GRIP1: variants seen among roughly 807,000 people sequenced by gnomAD.
GRIP1 encodes glutamate receptor interacting protein 1.
In GRIP1, 45 loss-of-function variants were observed where a neutral mutation model predicts 129.9. The ratio of observed to expected loss-of-function variants is 0.35; its 90% CI spans 0.27 to 0.44. The LOEUF is 0.44. Among genes scored for constraint, GRIP1 ranks in the 20% least tolerant of loss-of-function variants. The pLI is 1.00. For missense variants in GRIP1, 1,196 were observed against 1,396.8 expected, an observed-to-expected ratio of 0.86 and a Z score of 2.29; for synonymous variants, 530 against 520.8, an observed-to-expected ratio of 1.02 and a Z score of -0.24.
intron 1 of GRIP1, among the ~76,000 whole-genome samples, chr12:66,942,913 A>G (rs1280125032): frequency 2.0e-5 from 3 of 152,118 alleles, no homozygotes; most frequent in African/African-American, 7.2e-5. Flanking sequence ...AGGATAGGAG[A>G]AGATGGCCAT....
chr12:66,767,490 A>C (rs898301059), intron 1 of GRIP1, among the ~76,000 whole-genome samples: 31 of 152,090 alleles, frequency 2.0e-4, no homozygotes, highest in African/African-American at 7.2e-4. Flanking sequence ...GTGTTCTCTG[A>C]TACATCTAAC....
At chr12:66,695,278 T>C (rs2136328745) in intron 1 of GRIP1, among the ~76,000 whole-genome samples, 1 of 152,242 alleles carries the variant, frequency 6.6e-6, no homozygotes, top group South Asian at 2.1e-4. Flanking sequence ...AACCTGTTTT[T>C]TTTTTTTTTA....
chr12:66,898,404 G>A (rs1207625945), intron 1 of GRIP1, among the ~76,000 whole-genome samples: 1 of 152,086 alleles, frequency 6.6e-6, no homozygotes, highest in East Asian at 1.9e-4. Context: ...ATTGGTCAGT[G>A]TCCTCCTTAA....
intron 1 of GRIP1, among the ~76,000 whole-genome samples, chr12:66,855,231 T>G (rs1231838076): frequency 6.6e-6 from 1 of 152,060 alleles, no homozygotes; most frequent in Admixed American, 6.6e-5. Context: ...TAAGTCACTT[T>G]GAAGGACATC....
chr12:66,623,563 C>A (rs1354194870), intron 1 of GRIP1, among the ~76,000 whole-genome samples: 1 of 152,108 alleles, frequency 6.6e-6, no homozygotes, highest in Non-Finnish European at 1.5e-5. Context: ...AAACTTGGCT[C>A]ACATCACCCT....
At chr12:66,897,469 GA>G (rs964096511) in intron 1 of GRIP1, among the ~76,000 whole-genome samples, 1 of 152,196 alleles carries the variant, frequency 6.6e-6, no homozygotes, top group African/African-American at 2.4e-5. Context: ...ATTTAGGTCA[GA>G]AAAATACAAT....
chr12:66,707,977 G>A (rs79303050), intron 1 of GRIP1, among the ~76,000 whole-genome samples: 2 of 152,060 alleles, frequency 1.3e-5, no homozygotes, highest in African/African-American at 2.4e-5. Flanking sequence ...TCCATCTTGC[G>A]TGGGAGAGGT....
At chr12:66,386,119 C>T (rs548017406) in intron 19 of GRIP1, among the ~76,000 whole-genome samples, 1 of 152,218 alleles carries the variant, frequency 6.6e-6, no homozygotes, top group African/African-American at 2.4e-5. Context: ...AAGTGGAAAA[C>T]AGCAAAGTAG....
At chr12:66,617,113 G>A (rs1044312284) in intron 1 of GRIP1, among the ~76,000 whole-genome samples, 3 of 151,202 alleles carry the variant, frequency 2.0e-5, no homozygotes, top group African/African-American at 7.3e-5. Flanking sequence ...GTGTGTGTGT[G>A]TGTGTGTGTG....
chr12:66,684,613 G>C (rs187723055), intron 1 of GRIP1, among the ~76,000 whole-genome samples: 24 of 152,294 alleles, frequency 1.6e-4, no homozygotes, highest in African/African-American at 5.5e-4. Flanking sequence ...GGGAGGCCGA[G>C]GTGGGCAGAT....
At chr12:66,939,139 T>G (rs1323154498) in intron 1 of GRIP1, among the ~76,000 whole-genome samples, 1 of 152,080 alleles carries the variant, frequency 6.6e-6, no homozygotes, top group Admixed American at 6.5e-5. Context: ...TTCCCTTAGT[T>G]AAGACCAGCT....
chr12:66,601,848 T>C (rs1446922563), intron 1 of GRIP1, among the ~76,000 whole-genome samples: 1 of 152,190 alleles, frequency 6.6e-6, no homozygotes, highest in Non-Finnish European at 1.5e-5. Flanking sequence ...TTCAATTAAA[T>C]GCCACACAAT....
chr12:66,450,072 G>A lies in GRIP1; in HGVS notation c.1355-4564C>T, dbSNP rs186494736. Among the ~76,000 whole-genome samples the A allele has an allele frequency of 4.6e-3, 691 of 151,502 alleles. 6 individuals are homozygous for A. The highest frequency in any genetic ancestry group is 0.015 in the African/African-American group (623 of 41,292). Reference sequence around the variant, plus strand: ...TCCCAGCACTTTGGGAGGCCGAGTCGGGCGGATCACGAGGTCAGGAAATTG... The same window carrying A: ...TCCCAGCACTTTGGGAGGCCGAGTCAGGCGGATCACGAGGTCAGGAAATTG... On this transcript the variant is annotated intron_variant, in intron 11 of 24. Coordinates refer to ENST00000359742, the MANE Select transcript of GRIP1 (RefSeq NM_001366722.1).
intron 1 of GRIP1, among the ~76,000 whole-genome samples, chr12:67,034,662 C>T (rs903106591): frequency 5.9e-5 from 9 of 152,102 alleles, no homozygotes; most frequent in Admixed American, 3.3e-4. Flanking sequence ...GCCTAGAACA[C>T]GACTGTACAT....
chr12:66,644,584 T>A (rs1439041615), intron 1 of GRIP1, among the ~76,000 whole-genome samples: 4 of 152,212 alleles, frequency 2.6e-5, no homozygotes, highest in African/African-American at 7.2e-5. Context: ...ATTGCACAGA[T>A]AATGTAGATA....
intron 1 of GRIP1, among the ~76,000 whole-genome samples, chr12:66,859,565 AG>A (rs1263464767): frequency 6.6e-6 from 1 of 152,104 alleles, no homozygotes; most frequent in African/African-American, 2.4e-5. Context: ...CCTAATCTAC[AG>A]GAACAAAAAG....
intron 1 of GRIP1, among the ~76,000 whole-genome samples, chr12:66,601,335 AATCACAT>A (rs2064266707): frequency 1.3e-5 from 2 of 152,156 alleles, no homozygotes. Flanking sequence ...GAGCTGGGAG[AATCACAT>A]TGTGAGGAAG....
chr12:66,581,515 A>G (rs986518282), intron 2 of GRIP1, among the ~76,000 whole-genome samples: 3 of 144,084 alleles, frequency 2.1e-5, no homozygotes, highest in Non-Finnish European at 4.6e-5. Flanking sequence ...TAGCAAGACT[A>G]ATAAAGAAAA....
At chr12:66,417,835 T>C (rs2057663964) in intron 15 of GRIP1, among the ~76,000 whole-genome samples, 1 of 152,022 alleles carries the variant, frequency 6.6e-6, no homozygotes, top group Non-Finnish European at 1.5e-5. Context: ...ACTAGAAGGA[T>C]CAATATTGTT....
Sources: gnomAD v4.1 joint callset for allele counts (sites outside exome capture counted in the v4.1 genomes callset) on GRCh38, gnomAD v4.1.1 for gene constraint, MANE v1.5 for transcripts, NCBI Gene and HGNC (gene_info 2026-07-23, HGNC 2026-07-21) for gene names.